Variants in KCNMA1 observed in about 807,000 individuals in gnomAD.
KCNMA1 encodes the protein Calcium-activated potassium channel subunit alpha-1.
In KCNMA1, 29 loss-of-function variants were observed where a neutral mutation model predicts 140.0. The ratio of observed to expected loss-of-function variants is 0.21; its 90% confidence interval spans 0.15 to 0.28. KCNMA1 has a LOEUF of 0.28. Ranked by LOEUF, KCNMA1 falls within the 10% of genes least tolerant of loss-of-function variation. The pLI is 1.00. For missense variants in KCNMA1, 880 were observed against 1,602.2 expected, an observed-to-expected ratio of 0.55 and a Z score of 7.70; for synonymous variants, 612 against 611.9, an observed-to-expected ratio of 1.00 and a Z score of 0.00.
At chr10:77,007,653 G>GTGTGTATATATATATATATATA in intron 18 of KCNMA1, among the ~76,000 whole-genome samples, 9 of 88,480 alleles carry the variant, frequency 1.0e-4, no homozygotes, top group African/African-American at 2.7e-4. Flanking sequence ...TTGTGTGTGT[G>GTGTGTATATATATATATATATA]TATATATATA....
intron 13 of KCNMA1, among the ~76,000 whole-genome samples, chr10:77,075,602 C>T (rs2096369508): frequency 6.6e-6 from 1 of 152,182 alleles, no homozygotes; most frequent in Non-Finnish European, 1.5e-5. Flanking sequence ...GTTCTGTAGG[C>T]ATATTTTGAG....
intron 14 of KCNMA1, among the ~76,000 whole-genome samples, chr10:77,061,465 A>C (rs992303289): frequency 2.0e-5 from 3 of 152,204 alleles, no homozygotes; most frequent in Non-Finnish European, 4.4e-5. Context: ...CACACTGCCC[A>C]CCTACTAGAC....
chr10:76,928,697 G>T (rs2058460926), intron 23 of KCNMA1, among the ~76,000 whole-genome samples: 1 of 152,116 alleles, frequency 6.6e-6, no homozygotes, highest in Non-Finnish European at 1.5e-5. Flanking sequence ...ACATACAGAT[G>T]ATGTAAGGCA....
intron 5 of KCNMA1, among the ~76,000 whole-genome samples, chr10:77,177,073 G>A (rs1322339047): frequency 1.3e-5 from 2 of 152,132 alleles, no homozygotes; most frequent in Non-Finnish European, 2.9e-5. Context: ...AGGGGTGTAG[G>A]TGGCCTCTAG....
In KCNMA1 at chr10:77,193,854, T is replaced by G. The variant is rs189203991; in HGVS notation, c.603-8938A>C. On this transcript the variant is annotated intron_variant, in intron 3 of 27. Coordinates refer to ENST00000286628, the MANE Select transcript of KCNMA1 (RefSeq NM_001161352.2). ...TAGACACAAATGCTGGCATGGGGAATGGAACCTCTGACCCCTGGATCCATA... is the reference window on the plus strand; with the variant it reads ...TAGACACAAATGCTGGCATGGGGAAGGGAACCTCTGACCCCTGGATCCATA... Among the ~76,000 whole-genome samples, 4 of 152,296 alleles carry G rather than the reference T, an allele frequency of 2.6e-5. No individual in the cohort carries two copies. The East Asian group carries it at 7.7e-4, about 29-fold the overall frequency.
chr10:77,442,681 G>A (rs1165635888), intron 1 of KCNMA1, among the ~76,000 whole-genome samples: 1 of 152,106 alleles, frequency 6.6e-6, no homozygotes, highest in African/African-American at 2.4e-5. Flanking sequence ...GCTTGCTAAG[G>A]GGTGTTACTG....
At chr10:77,238,138 C>T (rs921111431) in intron 3 of KCNMA1, among the ~76,000 whole-genome samples, 4 of 152,196 alleles carry the variant, frequency 2.6e-5, no homozygotes, top group Non-Finnish European at 2.9e-5. Flanking sequence ...TGAAGCTCCT[C>T]TTCTGTTTTC....
At chr10:77,239,323 C>G (rs1373746977) in intron 3 of KCNMA1, among the ~76,000 whole-genome samples, 3 of 152,176 alleles carry the variant, frequency 2.0e-5, no homozygotes, top group African/African-American at 7.2e-5. Context: ...TCTGGGGCCT[C>G]AAGATCAATT....
chr10:77,293,192 T>G (rs1057211456), intron 2 of KCNMA1, among the ~76,000 whole-genome samples: 1 of 152,192 alleles, frequency 6.6e-6, no homozygotes, highest in African/African-American at 2.4e-5. Context: ...GAACTTACAA[T>G]TGATTTCATT....
In KCNMA1 at chr10:77,485,756, G is replaced by A. The variant is rs77275323; in HGVS notation, c.379-81733C>T. 9.0e-3 allele frequency among the ~76,000 whole-genome samples: 1,366 copies of A among 152,312 alleles called. 14 individuals carry two copies. The highest frequency in any genetic ancestry group is 0.051 in the East Asian group (262 of 5,176). Reference sequence around the variant, plus strand: ...GAACTGGATCAGGGTCAGAGAGCAGGCCTTGGGATCAGCCTCCACCAATAA... The same window carrying A: ...GAACTGGATCAGGGTCAGAGAGCAGACCTTGGGATCAGCCTCCACCAATAA... On this transcript the variant is annotated intron_variant, in intron 1 of 27. Coordinates refer to ENST00000286628, the MANE Select transcript of KCNMA1 (RefSeq NM_001161352.2).
At chr10:77,631,222 G>C (rs2093171216) in intron 1 of KCNMA1, among the ~76,000 whole-genome samples, 1 of 151,720 alleles carries the variant, frequency 6.6e-6, no homozygotes, top group South Asian at 2.1e-4. Context: ...TCTGTCCAAA[G>C]TGCTAGGACA....
At chr10:77,155,428 T>A (rs985851568) in intron 5 of KCNMA1, among the ~76,000 whole-genome samples, 17 of 152,144 alleles carry the variant, frequency 1.1e-4, no homozygotes, top group African/African-American at 3.9e-4. Context: ...GTGGCAGCAG[T>A]TGAGGCACAG....
chr10:77,521,511 AC>A (rs1567306130), intron 1 of KCNMA1, among the ~76,000 whole-genome samples: 2 of 152,188 alleles, frequency 1.3e-5, no homozygotes, highest in African/African-American at 4.8e-5. Context: ...AAGTGATTTA[AC>A]TGCCTCTCTG....
At chr10:77,314,792 T>A (rs2080308409) in intron 2 of KCNMA1, among the ~76,000 whole-genome samples, 2 of 152,098 alleles carry the variant, frequency 1.3e-5, no homozygotes, top group Non-Finnish European at 2.9e-5. Flanking sequence ...AGCAGGGTAA[T>A]TTCATCATCC....
At position 77,446,860 on chromosome 10, in the gene KCNMA1, CCT is replaced by C. The variant is rs1299194007; in HGVS notation, c.379-42839_379-42838del. On this transcript the variant is annotated intron_variant, in intron 1 of 27. Coordinates refer to ENST00000286628, the MANE Select transcript of KCNMA1 (RefSeq NM_001161352.2). ...CCATATTGGCACTTCCTTACAAAGT[CCT>C]CTCTTTCTACCTCCATACCTTTGTT... is the stretch of plus-strand genomic sequence containing the variant. 1.3e-5 allele frequency among the ~76,000 whole-genome samples: 2 copies of C among 152,322 alleles called. 1 individual carries two copies. Among genetic ancestry groups the C allele is most frequent in the East Asian group, 3.9e-4 (2 of 5,174 alleles).
At chr10:77,534,495 C>A (rs1446184727) in intron 1 of KCNMA1, among the ~76,000 whole-genome samples, 3 of 152,170 alleles carry the variant, frequency 2.0e-5, no homozygotes, top group Non-Finnish European at 4.4e-5. Context: ...CTTTCTCTAT[C>A]CACGTTTATG....
intron 1 of KCNMA1, among the ~76,000 whole-genome samples, chr10:77,604,932 C>T (rs918538413): frequency 2.6e-5 from 4 of 152,178 alleles, no homozygotes; most frequent in Middle Eastern, 3.4e-3. Context: ...CACCATATGC[C>T]GCTGCAGCCC....
chr10:77,222,332 C>T (rs1441728314), intron 3 of KCNMA1, among the ~76,000 whole-genome samples: 1 of 152,006 alleles, frequency 6.6e-6, no homozygotes, highest in Non-Finnish European at 1.5e-5. Flanking sequence ...AGTGACATGC[C>T]CAATCTGATT....
At chr10:77,057,026 A>G (rs1353039002) in intron 14 of KCNMA1, among the ~76,000 whole-genome samples, 1 of 152,320 alleles carries the variant, frequency 6.6e-6, no homozygotes, top group Non-Finnish European at 1.5e-5. Context: ...AGGAAACAAT[A>G]AGTGAAAACT....
Sources: gnomAD v4.1 joint callset for allele counts (sites outside exome capture counted in the v4.1 genomes callset) on GRCh38, gnomAD v4.1.1 for gene constraint, MANE v1.5 for transcripts, NCBI Gene and HGNC (gene_info 2026-07-23, HGNC 2026-07-21) for gene names.